The following CRPPA variants were observed in gnomAD, a reference collection of about 807,000 sequenced individuals.
CRPPA encodes the protein D-ribitol-5-phosphate cytidylyltransferase.
In CRPPA, 43 loss-of-function variants were observed where a neutral mutation model predicts 52.0. The ratio of observed to expected loss-of-function variants is 0.83; its 90% confidence interval spans 0.65 to 1.07. The LOEUF is 1.07. CRPPA is among the 50% of genes least tolerant of loss of function. CRPPA has a pLI of 0.00. For synonymous variants in CRPPA, 250 were observed against 203.5 expected, an observed-to-expected ratio of 1.23 and a Z score of -1.94; for missense variants, 629 against 551.7, an observed-to-expected ratio of 1.14 and a Z score of -1.40.
At chr7:16,097,112 A>G (rs1327482262) in intron 9 of CRPPA, among the ~76,000 whole-genome samples, 1 of 152,168 alleles carries the variant, frequency 6.6e-6, no homozygotes, top group Non-Finnish European at 1.5e-5. Flanking sequence ...AATATTTTCA[A>G]AATCTATACA....
chr7:16,251,969 G>C (rs1357984518), intron 8 of CRPPA, among the ~76,000 whole-genome samples: 1 of 152,020 alleles, frequency 6.6e-6, no homozygotes, highest in Non-Finnish European at 1.5e-5. Context: ...TGAGAAAATA[G>C]ACAGACCGCT....
intron 9 of CRPPA, among the ~76,000 whole-genome samples, chr7:16,193,205 C>T: frequency 6.6e-6 from 1 of 152,120 alleles, no homozygotes; most frequent in South Asian, 2.1e-4. Context: ...TTATTTAATT[C>T]CTCTCAATGG....
At chr7:16,397,569 G>C (rs903814179) in intron 2 of CRPPA, among the ~76,000 whole-genome samples, 38 of 147,362 alleles carry the variant, frequency 2.6e-4, no homozygotes, top group Non-Finnish European at 1.2e-4. Flanking sequence ...TGACCAATTT[G>C]ACTGACATAT....
intron 9 of CRPPA, among the ~76,000 whole-genome samples, chr7:16,131,953 G>A (rs532107799): frequency 6.6e-6 from 1 of 152,226 alleles, no homozygotes; most frequent in Non-Finnish European, 1.5e-5. Flanking sequence ...GTATAGGACC[G>A]AAGCCAGTAG....
At chr7:16,195,835 G>C (rs2128391930) in intron 9 of CRPPA, among the ~76,000 whole-genome samples, 1 of 152,148 alleles carries the variant, frequency 6.6e-6, no homozygotes, top group South Asian at 2.1e-4. Context: ...TGATAATAAA[G>C]ACTGTCGTGT....
rs1436905331 is a variant in CRPPA at position 16,258,385 on chromosome 7, C to T, written c.1119+5G>A. The T allele has an allele frequency of 6.4e-7, 1 of 1,560,676 alleles. No individual in the cohort carries two copies. Among genetic ancestry groups the T allele is most frequent in the East Asian group, 2.3e-5 (1 of 44,146 alleles). On this transcript the variant is annotated splice_donor_5th_base_variant and intron_variant, in intron 8 of 9. Transcript: ENST00000407010. ...TTGAGAAAAATCTGCATTAATTTCA[C>T]TTACTGAAACAACAACAACAGGATA...
intron 9 of CRPPA, among the ~76,000 whole-genome samples, chr7:16,128,254 C>A (rs12699769): frequency 0.33 from 49,939 of 151,716 alleles, 9,639 homozygotes; most frequent in South Asian, 0.56. Flanking sequence ...GCATATGTAC[C>A]CTCAACCTTA....
intron 9 of CRPPA, among the ~76,000 whole-genome samples, chr7:16,175,945 T>G (rs114312955): frequency 0.012 from 1,795 of 152,154 alleles, 40 homozygotes; most frequent in African/African-American, 0.041. Flanking sequence ...GTGGAAATAT[T>G]TAGGAGTCAT....
At chr7:16,125,077 T>C (rs183552987) in intron 9 of CRPPA, among the ~76,000 whole-genome samples, 127 of 151,638 alleles carry the variant, frequency 8.4e-4, no homozygotes, top group African/African-American at 2.7e-3. Flanking sequence ...CTGGCCAACA[T>C]AGTGAACCCC....
At chr7:16,395,307 T>C (rs1283561465) in intron 2 of CRPPA, among the ~76,000 whole-genome samples, 1 of 152,230 alleles carries the variant, frequency 6.6e-6, no homozygotes, top group Admixed American at 6.5e-5. Context: ...GTTTGCTTTA[T>C]TGTATAATAC....
chr7:16,245,561 G>T (rs1164085665), intron 8 of CRPPA, among the ~76,000 whole-genome samples: 1 of 152,090 alleles, frequency 6.6e-6, no homozygotes, highest in East Asian at 1.9e-4. Context: ...CTAGTGATTT[G>T]CTCCATCCTA....
At chr7:16,371,551 A>G (rs565311513) in intron 3 of CRPPA, among the ~76,000 whole-genome samples, 1 of 152,106 alleles carries the variant, frequency 6.6e-6, no homozygotes, top group Non-Finnish European at 1.5e-5. Flanking sequence ...AAAAAAACCC[A>G]CAGTCCAATC....
intron 9 of CRPPA, among the ~76,000 whole-genome samples, chr7:16,130,861 G>A (rs1356752238): frequency 6.6e-6 from 1 of 152,096 alleles, no homozygotes. Flanking sequence ...CCTTTGGGGG[G>A]TGATTAGGTC....
chr7:16,254,634 T>C (rs953452067), intron 8 of CRPPA, among the ~76,000 whole-genome samples: 1 of 151,830 alleles, frequency 6.6e-6, no homozygotes. Context: ...AAATACCTAA[T>C]GTAAACGACG....
At chr7:16,110,017 C>T (rs191566969) in intron 9 of CRPPA, among the ~76,000 whole-genome samples, 487 of 151,852 alleles carry the variant, frequency 3.2e-3, no homozygotes, top group Admixed American at 6.0e-3. Context: ...TCACTGTTTG[C>T]GGATGACATG....
intron 3 of CRPPA, among the ~76,000 whole-genome samples, chr7:16,339,619 T>C (rs1222782181): frequency 2.0e-5 from 3 of 152,224 alleles, no homozygotes; most frequent in Non-Finnish European, 4.4e-5. Flanking sequence ...AAAGCAGTCC[T>C]GCTAAGACCA....
chr7:16,366,813 G>T (rs935654661), intron 3 of CRPPA, among the ~76,000 whole-genome samples: 3 of 151,022 alleles, frequency 2.0e-5, no homozygotes, highest in African/African-American at 7.3e-5. Flanking sequence ...AAAAAACATG[G>T]GAAATATGAC....
intron 9 of CRPPA, among the ~76,000 whole-genome samples, chr7:16,164,899 C>A (rs112436973): frequency 2.6e-5 from 4 of 152,076 alleles, no homozygotes; most frequent in Admixed American, 6.5e-5. Flanking sequence ...AGAGGGGCAC[C>A]TGCCAGATGC....
rs545663821 is a variant in CRPPA at position 16,303,477 on chromosome 7, T to TAAAAAAAAAAAAAAAAAAAAAAAAAAAA, written c.790-2012_790-2011insTTTTTTTTTTTTTTTTTTTTTTTTTTTT. 6.2e-4 allele frequency among the ~76,000 whole-genome samples: 28 copies of TAAAAAAAAAAAAAAAAAAAAAAAAAAAA among 44,972 alleles called. 4 individuals are homozygous for TAAAAAAAAAAAAAAAAAAAAAAAAAAAA. Among genetic ancestry groups the TAAAAAAAAAAAAAAAAAAAAAAAAAAAA allele is most frequent in the African/African-American group, 6.6e-4 (8 of 12,080 alleles). The allele number at this position is 44,972 out of a possible 152,430, so 29.5% of individuals were successfully genotyped here. A position where few individuals can be genotyped will look rare whatever the true frequency, so the allele number is the denominator to read the frequency against. On this transcript the variant is annotated intron_variant, in intron 4 of 9. Transcript: ENST00000407010. ...GTTTCTGTGTTGAGACATAAAATAGTAAAAAAAAAAAAAAAAAAAAAAAAA... is the reference window on the plus strand; with the variant it reads ...GTTTCTGTGTTGAGACATAAAATAGTAAAAAAAAAAAAAAAAAAAAAAAAAAAAAAAAAAAAAAAAAAAAAAAAAAAAA...
Sources: allele counts gnomAD v4.1 joint callset (sites outside exome capture counted in the v4.1 genomes callset), GRCh38; gene constraint gnomAD v4.1.1; transcripts MANE v1.5; gene names NCBI Gene and HGNC (gene_info 2026-07-23, HGNC 2026-07-21).